The following ZNF804B variants were observed in gnomAD, a reference collection of about 807,000 sequenced individuals.
ZNF804B encodes the protein zinc finger 804B.
In ZNF804B, 80 loss-of-function variants were observed where a neutral mutation model predicts 101.4. The ratio of observed to expected loss-of-function variants is 0.79; its 90% CI spans 0.66 to 0.95. The LOEUF (loss-of-function observed/expected upper bound fraction) is 0.95, where lower values mean the gene tolerates loss of function less well. Ranked by LOEUF, ZNF804B falls within the 40% of genes least tolerant of loss-of-function variation. ZNF804B has a pLI of 0.00. For missense variants in ZNF804B, 1,673 were observed against 1,561.9 expected, an observed-to-expected ratio of 1.07 and a Z score of -1.20; for synonymous variants, 622 against 558.8, an observed-to-expected ratio of 1.11 and a Z score of -1.59.
At position 88,803,058 on chromosome 7, in the gene ZNF804B, T is replaced by C. The variant is rs79057657; in HGVS notation, c.108+42974T>C. Among the ~76,000 whole-genome samples the C allele has an allele frequency of 8.3e-3, 1,258 of 152,164 alleles. 11 individuals are homozygous for C. Among genetic ancestry groups the C allele is most frequent in the African/African-American group, 0.029 (1,211 of 41,528 alleles). On this transcript the variant is annotated intron_variant, in intron 1 of 3. Transcript: ENST00000333190. ...TTTTAAAAAGTCACAGAAACAAGAA[T>C]AGAGAGAAATCTAGCCATGTTTTAA...
intron 1 of ZNF804B, among the ~76,000 whole-genome samples, chr7:89,104,460 C>A (rs1790105777): frequency 6.6e-6 from 1 of 151,878 alleles, no homozygotes; most frequent in Admixed American, 6.6e-5. Flanking sequence ...CCACCTGGTT[C>A]AATTTTGGGA....
intron 1 of ZNF804B, among the ~76,000 whole-genome samples, chr7:89,134,823 T>G (rs116196105): frequency 0.12 from 14,294 of 120,320 alleles, 746 homozygotes; most frequent in Middle Eastern, 0.17. Flanking sequence ...AACATCCTGT[T>G]TTTTTTTTAA....
chr7:88,855,528 C>A (rs1413380891), intron 1 of ZNF804B, among the ~76,000 whole-genome samples: 4 of 152,050 alleles, frequency 2.6e-5, no homozygotes, highest in Non-Finnish European at 4.4e-5. Context: ...GAGTAGATTG[C>A]AAAAATTTTC....
chr7:88,765,360 G>T (rs1294612421), intron 1 of ZNF804B, among the ~76,000 whole-genome samples: 2 of 152,086 alleles, frequency 1.3e-5, no homozygotes, highest in Non-Finnish European at 2.9e-5. Context: ...TTAACTATTT[G>T]TGACTTAAAA....
intron 2 of ZNF804B, among the ~76,000 whole-genome samples, chr7:89,220,866 G>C (rs1303766369): frequency 3.3e-5 from 5 of 151,842 alleles, no homozygotes; most frequent in Admixed American, 6.6e-5. Flanking sequence ...ACATTTTGCA[G>C]TTCCTTTTCA....
At chr7:89,239,173 T>C (rs893800057) in intron 2 of ZNF804B, among the ~76,000 whole-genome samples, 18 of 152,124 alleles carry the variant, frequency 1.2e-4, no homozygotes, top group African/African-American at 3.9e-4. Context: ...GTTGAAACTG[T>C]AGGCATGATA....
intron 1 of ZNF804B, among the ~76,000 whole-genome samples, chr7:88,940,790 A>AATAATAATG (rs1363110746): frequency 6.8e-6 from 1 of 147,372 alleles, no homozygotes; most frequent in Non-Finnish European, 1.5e-5. Context: ...TAATAATAAT[A>AATAATAATG]ATAATAATAA....
chr7:88,985,714 A>T (rs982559598), intron 1 of ZNF804B, among the ~76,000 whole-genome samples: 1 of 152,146 alleles, frequency 6.6e-6, no homozygotes, highest in Admixed American at 6.6e-5. Context: ...CATACTTTGT[A>T]TATAGGGCAA....
intron 1 of ZNF804B, among the ~76,000 whole-genome samples, chr7:89,120,340 C>A (rs1269869093): frequency 1.3e-5 from 2 of 151,774 alleles, no homozygotes; most frequent in Non-Finnish European, 2.9e-5. Flanking sequence ...AAGCAGAAAA[C>A]ACACTTACCA....
chr7:88,944,233 A>G (rs1033983450), intron 1 of ZNF804B, among the ~76,000 whole-genome samples: 1 of 151,806 alleles, frequency 6.6e-6, no homozygotes, highest in African/African-American at 2.4e-5. Flanking sequence ...GTGAGAGTTT[A>G]GGTTATTCCA....
intron 1 of ZNF804B, among the ~76,000 whole-genome samples, chr7:89,080,519 TTTC>T (rs1257574380): frequency 4.0e-5 from 6 of 151,840 alleles, no homozygotes; most frequent in East Asian, 3.9e-4. Flanking sequence ...TCAAGAAACA[TTTC>T]TTCTTCTATA....
At chr7:89,149,532 C>T (rs1298474179) in intron 1 of ZNF804B, among the ~76,000 whole-genome samples, 1 of 151,988 alleles carries the variant, frequency 6.6e-6, no homozygotes, top group Non-Finnish European at 1.5e-5. Context: ...AATTAATATG[C>T]ACAGGCAGTT....
At chr7:88,897,534 C>CTA (rs1554344808) in intron 1 of ZNF804B, among the ~76,000 whole-genome samples, 6 of 151,822 alleles carry the variant, frequency 4.0e-5, no homozygotes, top group African/African-American at 1.5e-4. Flanking sequence ...ATACCACTAA[C>CTA]TGGTAATTTG....
At chr7:88,842,575 TAAGG>T (rs1435008147) in intron 1 of ZNF804B, among the ~76,000 whole-genome samples, 1 of 152,160 alleles carries the variant, frequency 6.6e-6, no homozygotes, top group African/African-American at 2.4e-5. Context: ...AAAAATCAGT[TAAGG>T]AAGGTTGCCA....
At chr7:88,941,315 A>T (rs73397361) in intron 1 of ZNF804B, among the ~76,000 whole-genome samples, 320 of 152,206 alleles carry the variant, frequency 2.1e-3, no homozygotes, top group African/African-American at 7.2e-3. Flanking sequence ...CTGCACACAG[A>T]TATTTATAGC....
At chr7:89,320,111 T>G (rs1189802429) in intron 2 of ZNF804B, among the ~76,000 whole-genome samples, 2 of 152,060 alleles carry the variant, frequency 1.3e-5, no homozygotes, top group Non-Finnish European at 2.9e-5. Flanking sequence ...GATGGGTTGA[T>G]GGGTGCAGCA....
chr7:89,140,309 G>C (rs1028788558), intron 1 of ZNF804B, among the ~76,000 whole-genome samples: 1 of 151,980 alleles, frequency 6.6e-6, no homozygotes, highest in African/African-American at 2.4e-5. Flanking sequence ...TTTCGGAATG[G>C]TAAAGGTGCA....
intron 1 of ZNF804B, among the ~76,000 whole-genome samples, chr7:89,166,538 A>G (rs1472607888): frequency 6.6e-6 from 1 of 152,186 alleles, no homozygotes; most frequent in Non-Finnish European, 1.5e-5. Flanking sequence ...TGTCTGCAAT[A>G]GTAGGCAACC....
chr7:88,992,700 G>A (rs1793863407), intron 1 of ZNF804B, among the ~76,000 whole-genome samples: 1 of 151,910 alleles, frequency 6.6e-6, no homozygotes, highest in Non-Finnish European at 1.5e-5. Context: ...AAATCTTTTT[G>A]TTACATAAAG....
Sources: gnomAD v4.1 joint callset for allele counts (sites outside exome capture counted in the v4.1 genomes callset) on GRCh38, gnomAD v4.1.1 for gene constraint, MANE v1.5 for transcripts, NCBI Gene and HGNC (gene_info 2026-07-23, HGNC 2026-07-21) for gene names.